Variants in RAB3C observed in about 807,000 individuals in gnomAD.
RAB3C encodes RAB3C, member RAS oncogene family.
A neutral mutation model predicts 26.4 loss-of-function variants in RAB3C; 17 were observed. The observed-to-expected ratio is 0.64, with a 90% CI of 0.44 to 0.97. RAB3C has a LOEUF of 0.97. Ranked by LOEUF, RAB3C falls within the 50% of genes least tolerant of loss-of-function variation. The probability of loss-of-function intolerance (pLI) is 0.00; values close to 1 mark genes in which losing one functional copy is unlikely to be tolerated. For missense variants in RAB3C, 242 were observed against 281.9 expected (o/e 0.86, Z 1.01); for synonymous variants, 91 against 95.9 (o/e 0.95, Z 0.30).
At chr5:58,732,873 C>G (rs1741057074) in intron 3 of RAB3C, among the ~76,000 whole-genome samples, 2 of 152,150 alleles carry the variant, frequency 1.3e-5, no homozygotes, top group Admixed American at 1.3e-4. Flanking sequence ...TTGAACTTCT[C>G]ATACCTCTGG....
At chr5:58,828,578 C>G (rs945864177) in intron 4 of RAB3C, among the ~76,000 whole-genome samples, 4 of 152,236 alleles carry the variant, frequency 2.6e-5, no homozygotes, top group African/African-American at 9.6e-5. Context: ...CCTGACCTCA[C>G]ACTGGCGCTT....
chr5:58,746,011 C>A (rs1024200900), intron 3 of RAB3C, among the ~76,000 whole-genome samples: 3 of 152,100 alleles, frequency 2.0e-5, no homozygotes, highest in Non-Finnish European at 4.4e-5. Flanking sequence ...CTAAACAGTC[C>A]CTTTTAGCTG....
At position 58,726,038 on chromosome 5, in the gene RAB3C, A is replaced by T; in HGVS notation, c.289A>T (p.Thr97Ser). The change falls in exon 3 of 5, where the codon ACA (threonine) becomes TCA (serine). Residue 97 changes from threonine to serine, a missense_variant. Thr to Ser is a moderately conservative substitution (Grantham distance 58, BLOSUM62 1). Coordinates refer to ENST00000282878, the MANE Select transcript of RAB3C (RefSeq NM_138453.4). ...AGQERYRTIT[T>S]AYYRGAMGFI... is the part of the protein sequence containing the mutation. ...CCAGGAAAGATACAGGACTATCACC[A>T]CAGCCTATTATCGTGGAGCCATGGG... 1 of 1,606,984 alleles carries T rather than the reference A, an allele frequency of 6.2e-7. No individual in the cohort carries two copies. Among genetic ancestry groups the T allele is most frequent in the Non-Finnish European group, 8.5e-7 (1 of 1,175,724 alleles).
intron 4 of RAB3C, among the ~76,000 whole-genome samples, chr5:58,845,660 A>T (rs1743983102): frequency 9.2e-6 from 1 of 109,044 alleles, no homozygotes; most frequent in Non-Finnish European, 2.0e-5. Context: ...ATATACATAT[A>T]GGTATACATA....
chr5:58,608,233 G>A lies in RAB3C; in HGVS notation c.25-9410G>A, dbSNP rs917671290. Among the ~76,000 whole-genome samples, 4 of 152,178 alleles carry A rather than the reference G, an allele frequency of 2.6e-5. No homozygotes were observed. In the South Asian group the frequency reaches 6.2e-4, roughly 24 times the overall value. On this transcript the variant is annotated intron_variant, in intron 1 of 4. Coordinates refer to ENST00000282878, the MANE Select transcript of RAB3C (RefSeq NM_138453.4). ...TGTAGGCTTAAAATAAAGGGATGGAGGAAGATCTACCAAGCAAATGGAAAG... is the reference window on the plus strand; with the variant it reads ...TGTAGGCTTAAAATAAAGGGATGGAAGAAGATCTACCAAGCAAATGGAAAG...
At chr5:58,610,390 C>A (rs1050485397) in intron 1 of RAB3C, among the ~76,000 whole-genome samples, 1 of 152,046 alleles carries the variant, frequency 6.6e-6, no homozygotes, top group Non-Finnish European at 1.5e-5. Flanking sequence ...TGCTCCACAT[C>A]CTTGCCAGCA....
chr5:58,706,382 C>A (rs992965769), intron 2 of RAB3C, among the ~76,000 whole-genome samples: 5 of 151,868 alleles, frequency 3.3e-5, no homozygotes, highest in African/African-American at 1.2e-4. Context: ...CATGGACACA[C>A]TGAAATTTAT....
At chr5:58,675,908 C>A (rs1748215430) in intron 2 of RAB3C, among the ~76,000 whole-genome samples, 1 of 152,040 alleles carries the variant, frequency 6.6e-6, no homozygotes, top group Non-Finnish European at 1.5e-5. Flanking sequence ...CTGCTCAAGT[C>A]TAGCTCTTTC....
At chr5:58,669,955 C>A (rs983494246) in intron 2 of RAB3C, among the ~76,000 whole-genome samples, 3 of 152,108 alleles carry the variant, frequency 2.0e-5, no homozygotes. Context: ...CTCTCATTCC[C>A]GTTTGTTTTG....
chr5:58,749,325 T>G (rs1741472008), intron 3 of RAB3C, among the ~76,000 whole-genome samples: 4 of 152,234 alleles, frequency 2.6e-5, no homozygotes, highest in Admixed American at 2.6e-4. Context: ...TGGTTCTGTG[T>G]GAATTTTATT....
At chr5:58,647,526 A>T (rs1422246920) in intron 2 of RAB3C, 1 of 152,198 alleles carries the variant, frequency 6.6e-6, no homozygotes, top group Non-Finnish European at 1.5e-5. Flanking sequence ...TGGGGATTAC[A>T]ATTCAAGATG....
At chr5:58,601,054 A>G (rs1746442930) in intron 1 of RAB3C, among the ~76,000 whole-genome samples, 1 of 152,172 alleles carries the variant, frequency 6.6e-6, no homozygotes, top group East Asian at 1.9e-4. Context: ...TTAATTATAA[A>G]GGGATGCTGG....
chr5:58,583,701 G>A (rs1745955317), intron 1 of RAB3C, among the ~76,000 whole-genome samples: 1 of 152,094 alleles, frequency 6.6e-6, no homozygotes, highest in Non-Finnish European at 1.5e-5. Flanking sequence ...GCCAATGTTA[G>A]GCTCCTCAAA....
chr5:58,731,638 T>C (rs1386856734), intron 3 of RAB3C, among the ~76,000 whole-genome samples: 1 of 152,154 alleles, frequency 6.6e-6, no homozygotes, highest in Admixed American at 6.6e-5. Context: ...GATCTCTACT[T>C]GGTAGCAAGT....
At chr5:58,610,958 C>T (rs1746686579) in intron 1 of RAB3C, among the ~76,000 whole-genome samples, 1 of 151,966 alleles carries the variant, frequency 6.6e-6, no homozygotes, top group African/African-American at 2.4e-5. Flanking sequence ...TCTATGTGTC[C>T]GTGTGTTCTC....
intron 2 of RAB3C, among the ~76,000 whole-genome samples, chr5:58,710,914 G>A (rs776937297): frequency 3.3e-5 from 5 of 152,050 alleles, no homozygotes; most frequent in Non-Finnish European, 7.4e-5. Flanking sequence ...AATACTTACT[G>A]ATTCTTGTCA....
At chr5:58,761,777 T>G (rs1741801385) in intron 3 of RAB3C, among the ~76,000 whole-genome samples, 1 of 152,222 alleles carries the variant, frequency 6.6e-6, no homozygotes, top group South Asian at 2.1e-4. Context: ...CTTTATATAC[T>G]GTAAGTGATG....
intron 3 of RAB3C, among the ~76,000 whole-genome samples, chr5:58,737,448 T>TATAA (rs1554050298): frequency 9.9e-4 from 31 of 31,286 alleles, no homozygotes; most frequent in Non-Finnish European, 1.4e-3. Flanking sequence ...TATATATATA[T>TATAA]AATTTACTTG....
intron 1 of RAB3C, among the ~76,000 whole-genome samples, chr5:58,616,359 A>G (rs1021816473): frequency 6.6e-6 from 1 of 152,212 alleles, no homozygotes; most frequent in African/African-American, 2.4e-5. Flanking sequence ...ATATGTGACT[A>G]GTGGCTACCA....
Sources: gnomAD v4.1 joint callset for allele counts (sites outside exome capture counted in the v4.1 genomes callset) on GRCh38, gnomAD v4.1.1 for gene constraint, MANE v1.5 for transcripts, NCBI Gene and HGNC (gene_info 2026-07-23, HGNC 2026-07-21) for gene names.